The following TAOK3 variants were observed in gnomAD, a reference collection of about 807,000 sequenced individuals.
The protein encoded by TAOK3 is serine/threonine-protein kinase TAO3.
In TAOK3, 40 loss-of-function variants were observed where a neutral mutation model predicts 120.4. The ratio of observed to expected loss-of-function variants is 0.33; its 90% confidence interval spans 0.26 to 0.43. TAOK3 has a LOEUF of 0.43. TAOK3 is among the 20% of genes least tolerant of loss of function. The pLI is 1.00. For synonymous variants in TAOK3, 355 were observed against 387.5 expected (o/e 0.92, Z 0.99); for missense variants, 821 against 1,112.1 (o/e 0.74, Z 3.72).
chr12:118,216,691 G>A (rs1191085313), intron 9 of TAOK3, among the ~76,000 whole-genome samples: 1 of 152,134 alleles, frequency 6.6e-6, no homozygotes. Context: ...CACTTTGGGA[G>A]GCTGAGGTGG....
rs139041910 is a variant in TAOK3, at chr12:118,179,047, A to G, written c.1567-1718T>C. Among the ~76,000 whole-genome samples, 23 of 152,328 alleles carry G rather than the reference A, an allele frequency of 1.5e-4. No homozygotes were observed. In the East Asian group the frequency reaches 4.0e-3, roughly 27 times the overall value. On this transcript the variant is annotated intron_variant, in intron 15 of 20. Transcript: ENST00000392533. ...GAACAATTCTCACAACATATTTACC[A>G]AGTCAAATCCCAAGAAAGAATCTGA...
chr12:118,293,681 A>T (rs1297505413), intron 1 of TAOK3, among the ~76,000 whole-genome samples: 2 of 150,466 alleles, frequency 1.3e-5, no homozygotes, highest in Non-Finnish European at 3.0e-5. Context: ...CTCAAAAAAA[A>T]AAAGGAGAGA....
intron 9 of TAOK3, among the ~76,000 whole-genome samples, chr12:118,214,713 G>A (rs975715920): frequency 6.7e-6 from 1 of 150,174 alleles, no homozygotes; most frequent in African/African-American, 2.5e-5. Context: ...GACTACAGGT[G>A]CCTGACATCG....
chr12:118,241,334 C>G (rs2139965415), intron 5 of TAOK3, among the ~76,000 whole-genome samples: 1 of 152,088 alleles, frequency 6.6e-6, no homozygotes, highest in South Asian at 2.1e-4. Context: ...ATGTGCCCTA[C>G]TTTTTCTTTA....
At chr12:118,319,479 A>G (rs2043610801) in intron 1 of TAOK3, among the ~76,000 whole-genome samples, 1 of 152,158 alleles carries the variant, frequency 6.6e-6, no homozygotes, top group Non-Finnish European at 1.5e-5. Context: ...CTATAACTTA[A>G]CAACAAAAAG....
chr12:118,285,841 G>A (rs1593412832), intron 1 of TAOK3, among the ~76,000 whole-genome samples: 1 of 152,246 alleles, frequency 6.6e-6, no homozygotes, highest in South Asian at 2.1e-4. Context: ...ACATTCTAGG[G>A]AGAAATGAGA....
At chr12:118,318,158 CTTTT>C (rs766334747) in intron 1 of TAOK3, among the ~76,000 whole-genome samples, 1 of 133,280 alleles carries the variant, frequency 7.5e-6, no homozygotes, top group Non-Finnish European at 1.6e-5. Context: ...AGCTATAAAA[CTTTT>C]TTTTTTTTTT....
chr12:118,268,601 A>C (rs2041559689), intron 1 of TAOK3, among the ~76,000 whole-genome samples: 1 of 152,220 alleles, frequency 6.6e-6, no homozygotes, highest in Admixed American at 6.5e-5. Flanking sequence ...ACCACTAACC[A>C]ATCAATAACT....
intron 1 of TAOK3, among the ~76,000 whole-genome samples, chr12:118,310,281 G>A (rs1403906422): frequency 6.6e-6 from 1 of 152,210 alleles, no homozygotes; most frequent in Non-Finnish European, 1.5e-5. Context: ...AGATTACAGA[G>A]TGAGACTGTG....
At chr12:118,184,374 T>C (rs1475673938) in intron 14 of TAOK3, among the ~76,000 whole-genome samples, 5 of 152,244 alleles carry the variant, frequency 3.3e-5, no homozygotes, top group Admixed American at 6.5e-5. Context: ...TTTACAGTTA[T>C]ATGTGCCTGT....
chr12:118,297,878 C>T (rs946038530), intron 1 of TAOK3, among the ~76,000 whole-genome samples: 8 of 152,206 alleles, frequency 5.3e-5, no homozygotes, highest in East Asian at 1.9e-4. Context: ...GCGATCCTTC[C>T]GGTATGTTAT....
chr12:118,328,185 C>T (rs1257223372), intron 1 of TAOK3, among the ~76,000 whole-genome samples: 4 of 151,960 alleles, frequency 2.6e-5, no homozygotes, highest in Non-Finnish European at 5.9e-5. Flanking sequence ...CTCAGCCTCC[C>T]GAGTAGCTGG....
At chr12:118,345,805 G>A (rs2044833328) in intron 1 of TAOK3, among the ~76,000 whole-genome samples, 1 of 151,828 alleles carries the variant, frequency 6.6e-6, no homozygotes, top group Non-Finnish European at 1.5e-5. Flanking sequence ...CAGAGATATT[G>A]ATTAAGGAGC....
intron 9 of TAOK3, among the ~76,000 whole-genome samples, chr12:118,226,190 A>G (rs1452265613): frequency 6.6e-6 from 1 of 152,246 alleles, no homozygotes; most frequent in Non-Finnish European, 1.5e-5. Context: ...CCTGGCTAAC[A>G]TGGTGAAACC....
chr12:118,277,694 C>A (rs1483673907), intron 1 of TAOK3, among the ~76,000 whole-genome samples: 1 of 151,974 alleles, frequency 6.6e-6, no homozygotes, highest in Non-Finnish European at 1.5e-5. Flanking sequence ...CTCCTGATTT[C>A]GTGATCCACC....
chr12:118,312,195 A>G (rs779230442), intron 1 of TAOK3, among the ~76,000 whole-genome samples: 1 of 152,192 alleles, frequency 6.6e-6, no homozygotes, highest in Non-Finnish European at 1.5e-5. Context: ...CTACAGACTG[A>G]AAAGGCACAC....
chr12:118,249,625 C>A (rs2040663321), intron 3 of TAOK3, among the ~76,000 whole-genome samples: 1 of 149,400 alleles, frequency 6.7e-6, no homozygotes, highest in Admixed American at 6.7e-5. Flanking sequence ...GAGTTTGGAA[C>A]CAGCCTGGGC....
At position 118,160,450 on chromosome 12, in the gene TAOK3, C is replaced by T. The variant is rs1378401210; in HGVS notation, c.2140-92G>A. On this transcript the variant is annotated intron_variant, in intron 18 of 20. Transcript: ENST00000392533. The surrounding 1 kb of genome is among the most constrained non-coding windows in gnomAD (Gnocchi z 4.2). ...AATGATATAATACAAGTGCTGAGAG[C>T]GTCTGTTTTTTGGTGCAGTGACTCA... The T allele has an allele frequency of 2.6e-5, 29 of 1,109,566 alleles. No homozygotes were observed. The highest frequency in any genetic ancestry group is 4.3e-5 in the South Asian group (3 of 69,748). The allele number at this position is 1,109,566 out of a possible 1,614,324, so 68.7% of individuals were successfully genotyped here. A position where few individuals can be genotyped will look rare whatever the true frequency, so the allele number is the denominator to read the frequency against.
At chr12:118,338,204 G>A (rs537281094) in intron 1 of TAOK3, among the ~76,000 whole-genome samples, 4 of 152,260 alleles carry the variant, frequency 2.6e-5, no homozygotes, top group African/African-American at 4.8e-5. Context: ...TGGGAAGATG[G>A]AAGGTGGGCA....
Sources: allele counts gnomAD v4.1 joint callset (sites outside exome capture counted in the v4.1 genomes callset), GRCh38; gene constraint gnomAD v4.1.1; non-coding constraint Gnocchi (gnomAD v3.1); transcripts MANE v1.5; gene names NCBI Gene and HGNC (gene_info 2026-07-23, HGNC 2026-07-21).